The following KIAA0825 variants were observed in gnomAD, a reference collection of about 807,000 sequenced individuals.
KIAA0825 encodes the protein uncharacterized protein KIAA0825.
In KIAA0825, 119 loss-of-function variants were observed where a neutral mutation model predicts 147.6. The observed-to-expected ratio is 0.81, with a 90% confidence interval of 0.69 to 0.94. The LOEUF (loss-of-function observed/expected upper bound fraction) is 0.94. Among genes scored for constraint, KIAA0825 ranks in the 40% least tolerant of loss-of-function variants. The pLI, the probability that KIAA0825 is intolerant of heterozygous loss-of-function variation, is 0.00. For synonymous variants in KIAA0825, 470 were observed against 518.1 expected, an observed-to-expected ratio of 0.91 and a Z score of 1.26; for missense variants, 1,381 against 1,472.7, an observed-to-expected ratio of 0.94 and a Z score of 1.02.
intron 7 of KIAA0825, among the ~76,000 whole-genome samples, chr5:94,475,668 G>A (rs1469370105): frequency 4.6e-5 from 7 of 152,086 alleles, no homozygotes. Context: ...AATTAGCTGG[G>A]CATTGTGGTG....
chr5:94,228,687 A>T (rs1249481505), intron 20 of KIAA0825, among the ~76,000 whole-genome samples: 3 of 152,154 alleles, frequency 2.0e-5, no homozygotes, highest in Non-Finnish European at 4.4e-5. Flanking sequence ...GGAAAAGAGG[A>T]TTGTGAATGG....
chr5:94,538,120 G>A (rs953164301), intron 2 of KIAA0825, among the ~76,000 whole-genome samples: 1 of 152,188 alleles, frequency 6.6e-6, no homozygotes, highest in Non-Finnish European at 1.5e-5. Context: ...CTGCCCTCAT[G>A]GAGTTTTTAT....
intron 2 of KIAA0825, among the ~76,000 whole-genome samples, chr5:94,576,201 T>C (rs1781003178): frequency 6.6e-6 from 1 of 152,178 alleles, no homozygotes; most frequent in African/African-American, 2.4e-5. Flanking sequence ...AACCTTAACA[T>C]ATATACAAAA....
chr5:94,350,886 CTT>C (rs35084160), intron 20 of KIAA0825, among the ~76,000 whole-genome samples: 42 of 139,186 alleles, frequency 3.0e-4, no homozygotes, highest in East Asian at 1.7e-3. Context: ...GATGTCCACT[CTT>C]TTTTTTTTTT....
chr5:94,163,881 TA>T, intron 20 of KIAA0825, among the ~76,000 whole-genome samples: 1 of 152,292 alleles, frequency 6.6e-6, no homozygotes, highest in Middle Eastern at 3.4e-3. Context: ...ACTGTCTCAA[TA>T]AATGGTAATG....
At chr5:94,535,218 T>G (rs1056188962) in intron 3 of KIAA0825, among the ~76,000 whole-genome samples, 1 of 151,760 alleles carries the variant, frequency 6.6e-6, no homozygotes, top group Non-Finnish European at 1.5e-5. Flanking sequence ...TTAGAAAGCT[T>G]GTAATCATAG....
intron 20 of KIAA0825, among the ~76,000 whole-genome samples, chr5:94,179,243 CTG>C (rs1300821560): frequency 1.3e-5 from 2 of 152,070 alleles, no homozygotes. Flanking sequence ...ACACATAGAA[CTG>C]TACACACACA....
chr5:94,416,922 TTAAAA>T (rs1467466544), intron 15 of KIAA0825: 3 of 266,540 alleles, frequency 1.1e-5, no homozygotes, highest in South Asian at 1.4e-4. Context: ...GTGATAAATA[TTAAAA>T]TAAATTTTTA....
intron 20 of KIAA0825, among the ~76,000 whole-genome samples, chr5:94,178,464 CCTT>C (rs1278608515): frequency 6.6e-6 from 1 of 151,772 alleles, no homozygotes; most frequent in African/African-American, 2.4e-5. Flanking sequence ...AAGGAAGTCT[CCTT>C]CTTCATTTTT....
intron 5 of KIAA0825, among the ~76,000 whole-genome samples, chr5:94,516,563 G>A (rs1767272913): frequency 6.6e-6 from 1 of 152,062 alleles, no homozygotes; most frequent in Non-Finnish European, 1.5e-5. Flanking sequence ...CAGCACTTTG[G>A]GAGGCCGAGG....
intron 20 of KIAA0825, among the ~76,000 whole-genome samples, chr5:94,350,775 C>G (rs775318360): frequency 7.9e-5 from 12 of 152,102 alleles, no homozygotes; most frequent in Non-Finnish European, 1.6e-4. Flanking sequence ...AAGGGACATA[C>G]CTTAATGTAA....
At chr5:94,213,373 A>T (rs1772912352) in intron 20 of KIAA0825, among the ~76,000 whole-genome samples, 2 of 152,198 alleles carry the variant, frequency 1.3e-5, no homozygotes, top group Non-Finnish European at 2.9e-5. Context: ...ATCTCTGGCT[A>T]GAATGGCTGC....
At chr5:94,371,402 CTGGGTAATTTAT>C (rs1746691311) in intron 20 of KIAA0825, among the ~76,000 whole-genome samples, 1 of 152,148 alleles carries the variant, frequency 6.6e-6, no homozygotes, top group African/African-American at 2.4e-5. Flanking sequence ...ATACCCAAGA[CTGGGTAATTTAT>C]AAAGGAAAGA....
intron 2 of KIAA0825, among the ~76,000 whole-genome samples, chr5:94,555,230 T>C (rs1057389871): frequency 6.6e-6 from 1 of 152,136 alleles, no homozygotes. Flanking sequence ...CTTCCCCCAA[T>C]GACTACATAA....
intron 20 of KIAA0825, among the ~76,000 whole-genome samples, chr5:94,187,016 T>G (rs894290398): frequency 6.6e-6 from 1 of 152,158 alleles, no homozygotes; most frequent in African/African-American, 2.4e-5. Flanking sequence ...AATAGAAAAT[T>G]ACTGCAAGTT....
chr5:94,290,185 G>A (rs1777824659), intron 20 of KIAA0825, among the ~76,000 whole-genome samples: 1 of 152,134 alleles, frequency 6.6e-6, no homozygotes, highest in African/African-American at 2.4e-5. Context: ...TGCAGAATGT[G>A]CAAGTTTGTT....
intron 3 of KIAA0825, among the ~76,000 whole-genome samples, chr5:94,535,221 A>C (rs1771713605): frequency 6.6e-6 from 1 of 151,880 alleles, no homozygotes; most frequent in African/African-American, 2.4e-5. Context: ...GAAAGCTTGT[A>C]ATCATAGGCC....
chr5:94,363,846 T>A (rs1398551289), intron 20 of KIAA0825, among the ~76,000 whole-genome samples: 1 of 151,892 alleles, frequency 6.6e-6, no homozygotes, highest in Non-Finnish European at 1.5e-5. Context: ...CCAGCCAGGG[T>A]GACAGAGCAA....
chr5:94,583,516 G>T (rs1206210259), intron 1 of KIAA0825, among the ~76,000 whole-genome samples: 1 of 152,198 alleles, frequency 6.6e-6, no homozygotes, highest in African/African-American at 2.4e-5. Context: ...AAACAAAGTG[G>T]CCCAGAAGCT....
Sources: allele counts gnomAD v4.1 joint callset (sites outside exome capture counted in the v4.1 genomes callset), GRCh38; gene constraint gnomAD v4.1.1; transcripts MANE v1.5; gene names NCBI Gene and HGNC (gene_info 2026-07-23, HGNC 2026-07-21).